Variants in HTR1D observed in about 807,000 individuals in gnomAD.
The protein encoded by HTR1D is 5-HT-1D.
Under a neutral mutation model 21.1 loss-of-function variants are expected in HTR1D, and 18 were observed. The ratio of observed to expected loss-of-function variants is 0.85; its 90% CI spans 0.59 to 1.27. HTR1D has a LOEUF of 1.27. HTR1D is among the 50% of genes most tolerant of loss of function. The pLI is 0.00. For missense variants in HTR1D, 456 were observed against 481.4 expected, an observed-to-expected ratio of 0.95 and a Z score of 0.49; for synonymous variants, 196 against 204.4, an observed-to-expected ratio of 0.96 and a Z score of 0.35.
chr1:23,193,568 C>A lies in HTR1D; in HGVS notation c.652G>T (p.Gly218Cys). ...IPSVLLIILY[G>C]RIYRAARNRI... ...TTCCGGGCAGCCCGGTAGATCCGGCCATATAGGATGATGAGCAACACCGAG... is the reference window on the plus strand; with the variant it reads ...TTCCGGGCAGCCCGGTAGATCCGGCAATATAGGATGATGAGCAACACCGAG... Residue 218 changes from glycine (G) to cysteine (C), a missense_variant, in exon 2 of 2, where the codon GGC becomes TGC. Coordinates refer to ENST00000374619, the MANE Select transcript of HTR1D (RefSeq NM_000864.5). 1 of 1,614,004 alleles carries A rather than the reference C, an allele frequency of 6.2e-7. No homozygotes were observed. The highest frequency in any genetic ancestry group is 8.5e-7 in the Non-Finnish European group (1 of 1,179,940).
At chr1:23,195,265 A>C (rs1223057411) in intron 1 of HTR1D, among the ~76,000 whole-genome samples, 1 of 152,244 alleles carries the variant, frequency 6.6e-6, no homozygotes, top group African/African-American at 2.4e-5. Context: ...TGAATCAGAA[A>C]GCATCATTTT....
At chr1:23,216,473 CGGG>C (rs5773037) in intron 1 of HTR1D, among the ~76,000 whole-genome samples, 131,233 of 151,986 alleles carry the variant, frequency 0.86, 56,875 homozygotes, top group African/African-American at 0.93. Flanking sequence ...CTAATGCAAC[CGGG>C]ACCCTGACTG....
At chr1:23,212,528 GT>G (rs1644757532) in intron 1 of HTR1D, among the ~76,000 whole-genome samples, 1 of 152,178 alleles carries the variant, frequency 6.6e-6, no homozygotes, top group African/African-American at 2.4e-5. Flanking sequence ...TTTAGGATTT[GT>G]AATACACATC....
chr1:23,193,107 G>A lies in HTR1D; in HGVS notation c.1113C>T (p.Val371=). The stretch of plus-strand genomic sequence containing the variant: ...AAGACTAGGAGGCCTTCCGGAAAGG[G>A]ACAATTTTCTGAAAAGCTTGCCGAA... ...EEFRQAFQKI[V]PFRKAS Residue 371 remains valine, a synonymous_variant, in exon 2 of 2, where the codon GTC becomes GTT. Transcript: ENST00000374619. 1 of 1,610,222 alleles carries A rather than the reference G, an allele frequency of 6.2e-7. No homozygotes were observed. Among genetic ancestry groups the A allele is most frequent in the Non-Finnish European group, 8.5e-7 (1 of 1,177,820 alleles).
intron 1 of HTR1D, among the ~76,000 whole-genome samples, chr1:23,198,863 G>A (rs1322326063): frequency 6.6e-6 from 1 of 152,180 alleles, no homozygotes; most frequent in African/African-American, 2.4e-5. Flanking sequence ...GGAGGGAAAA[G>A]GAAGAAGGAA....
chr1:23,205,467 G>T (rs1023111620), intron 1 of HTR1D, among the ~76,000 whole-genome samples: 1 of 152,216 alleles, frequency 6.6e-6, no homozygotes, highest in African/African-American at 2.4e-5. Context: ...AAATGCTGTT[G>T]TTTTAATTCA....
chr1:23,217,440 G>T lies in HTR1D; in HGVS notation c.-932C>A, dbSNP rs1480804735. 6.6e-6 allele frequency among the ~76,000 whole-genome samples: 1 copy of T among 151,802 alleles called. No individual in the cohort carries two copies. Among genetic ancestry groups the T allele is most frequent in the African/African-American group, 2.4e-5 (1 of 41,358 alleles). Reference sequence around the variant, plus strand: ...CCCCGCCGCCCCGGGGCCCTTTCCGGCTCGCGCCCTCGCGATCCCGCACCT... The same window carrying T: ...CCCCGCCGCCCCGGGGCCCTTTCCGTCTCGCGCCCTCGCGATCCCGCACCT... On this transcript the variant is annotated 5_prime_UTR_variant, in exon 1 of 2. Coordinates refer to ENST00000374619, the MANE Select transcript of HTR1D (RefSeq NM_000864.5). This position sits in a 1 kb window ranked among gnomAD's most constrained non-coding sequence, Gnocchi z 4.6.
rs1292733689 is a variant in HTR1D at position 23,192,975 on chromosome 1, C to T, written c.*111G>A. 2 of 602,780 alleles carry T rather than the reference C, an allele frequency of 3.3e-6. No homozygotes were observed. Among genetic ancestry groups the T allele is most frequent in the Non-Finnish European group, 5.1e-6 (2 of 390,498 alleles). 37.3% of individuals were successfully genotyped at this position (602,780 alleles called of 1,614,324 possible). A position where few individuals can be genotyped will look rare whatever the true frequency, so the allele number is the denominator to read the frequency against. On this transcript the variant is annotated 3_prime_UTR_variant, in exon 2 of 2. Coordinates refer to ENST00000374619, the MANE Select transcript of HTR1D (RefSeq NM_000864.5). ...AACAATTCTGTTGATTGAACCAAGA[C>T]TCAAGATACCATGAATTAATCCAAG...
Position 23,194,212 on chromosome 1 carries a change from G to A in HTR1D, c.8C>T (p.Pro3Leu). MS[P>L]LNQSAEGLPQ... ...AAGGCCTTCTGCTGACTGGTTCAGT[G>A]GGGACATGCTAGGTGGCTCTCTCTT... Residue 3 changes from proline to leucine, a missense_variant, in exon 2 of 2, where the codon CCA becomes CTA. Transcript: ENST00000374619. 1 of 1,612,594 alleles carries A rather than the reference G, an allele frequency of 6.2e-7. No individual in the cohort carries two copies.
intron 1 of HTR1D, among the ~76,000 whole-genome samples, chr1:23,214,704 G>T (rs1256896392): frequency 1.3e-5 from 2 of 152,070 alleles, no homozygotes; most frequent in Non-Finnish European, 2.9e-5. Flanking sequence ...TTTTCTGCCT[G>T]TTTGTTTATT....
At chr1:23,202,550 TG>T (rs1251680020) in intron 1 of HTR1D, among the ~76,000 whole-genome samples, 3 of 152,166 alleles carry the variant, frequency 2.0e-5, no homozygotes, top group African/African-American at 7.2e-5. Context: ...AAAGGATGTA[TG>T]GGTTTAATGT....
chr1:23,194,152 G>C lies in HTR1D; in HGVS notation c.68C>G (p.Thr23Arg). ...GGGATCCCAAGCCTCTGAGGTTTCT[G>C]TGGCATTCAGGGATCTGTTGGAGGC... ...QEASNRSLNA[T>R]ETSEAWDPRT... is the part of the protein sequence containing the mutation. The change falls in exon 2 of 2, where the codon ACA becomes AGA. Residue 23 changes from threonine to arginine, a missense_variant. Coordinates refer to ENST00000374619, the MANE Select transcript of HTR1D (RefSeq NM_000864.5). The C allele has an allele frequency of 6.2e-7, 1 of 1,614,118 alleles. No homozygotes were observed. Among genetic ancestry groups the C allele is most frequent in the Non-Finnish European group, 8.5e-7 (1 of 1,180,016 alleles).
chr1:23,206,191 A>ATG (rs1644730161), intron 1 of HTR1D, among the ~76,000 whole-genome samples: 2 of 151,876 alleles, frequency 1.3e-5, no homozygotes, highest in Non-Finnish European at 2.9e-5. Context: ...ACAGATGCCC[A>ATG]CCACCATACC....
chr1:23,196,295 T>C (rs577812578), intron 1 of HTR1D, among the ~76,000 whole-genome samples: 2 of 152,122 alleles, frequency 1.3e-5, no homozygotes, highest in Non-Finnish European at 2.9e-5. Context: ...AAAAACAAAA[T>C]TAGCCATGCG....
chr1:23,212,786 C>A (rs958852926), intron 1 of HTR1D, among the ~76,000 whole-genome samples: 2 of 151,738 alleles, frequency 1.3e-5, no homozygotes, highest in African/African-American at 4.8e-5. Context: ...GGGCTCCAAA[C>A]TCAAGCCACC....
intron 1 of HTR1D, among the ~76,000 whole-genome samples, chr1:23,205,280 T>A (rs1644725336): frequency 6.6e-6 from 1 of 152,088 alleles, no homozygotes; most frequent in East Asian, 1.9e-4. Context: ...AGACTACGAA[T>A]AGGGTGCAGT....
rs71020483 is a variant in HTR1D, at chr1:23,199,415, CTTTTTTTTTTTT to C, written c.-782-4426_-782-4415del. 5.1e-3 allele frequency among the ~76,000 whole-genome samples: 237 copies of C among 46,256 alleles called. 6 individuals carry two copies. Among genetic ancestry groups the C allele is most frequent in the African/African-American group, 6.6e-3 (74 of 11,242 alleles). The allele number at this position is 46,256 out of a possible 152,430, so 30.3% of individuals were successfully genotyped here. A position where few individuals can be genotyped will look rare whatever the true frequency, so the allele number is the denominator to read the frequency against. The stretch of plus-strand genomic sequence containing the variant: ...ACAGGTGTGAGCCGCCATGTGTGGT[CTTTTTTTTTTTT>C]TTTTTTTTTTTTTTTTTTTTTTTTT... On this transcript the variant is annotated intron_variant, in intron 1 of 1. Transcript: ENST00000374619.
Position 23,211,738 on chromosome 1 carries a change from T to G in HTR1D, c.-783+5553A>C, listed in dbSNP as rs1289426945. Reference sequence around the variant, plus strand: ...GTACAGTGGCATGATCATGGCTCACTGCAGCCTCAACCTCCTGAGCTCAAG... The same window carrying G: ...GTACAGTGGCATGATCATGGCTCACGGCAGCCTCAACCTCCTGAGCTCAAG... On this transcript the variant is annotated intron_variant, in intron 1 of 1. Coordinates refer to ENST00000374619, the MANE Select transcript of HTR1D (RefSeq NM_000864.5). 4.6e-5 allele frequency among the ~76,000 whole-genome samples: 7 copies of G among 152,242 alleles called. No homozygotes were observed. In the East Asian group the frequency reaches 7.7e-4, roughly 17 times the overall value.
chr1:23,201,099 A>G (rs1217928553), intron 1 of HTR1D, among the ~76,000 whole-genome samples: 1 of 152,220 alleles, frequency 6.6e-6, no homozygotes, highest in Non-Finnish European at 1.5e-5. Context: ...TGATTGGACC[A>G]GGGTGGACAT....
Sources: allele counts gnomAD v4.1 joint callset (sites outside exome capture counted in the v4.1 genomes callset), GRCh38; gene constraint gnomAD v4.1.1; non-coding constraint Gnocchi (gnomAD v3.1); transcripts MANE v1.5; gene names NCBI Gene and HGNC (gene_info 2026-07-23, HGNC 2026-07-21).